Variants in COL25A1 observed in about 807,000 individuals in gnomAD.
The protein encoded by COL25A1 is collagen type XXV alpha 1 chain.
COL25A1 carries 103 observed loss-of-function variants against 128.4 expected under a neutral mutation model. The observed-to-expected ratio is 0.80, with a 90% CI of 0.68 to 0.94. The LOEUF (loss-of-function observed/expected upper bound fraction) is 0.94. Ranked by LOEUF, COL25A1 falls within the 40% of genes least tolerant of loss-of-function variation. The pLI is 0.00. For missense variants in COL25A1, 745 were observed against 840.0 expected, an observed-to-expected ratio of 0.89 and a Z score of 1.40; for synonymous variants, 279 against 277.2, an observed-to-expected ratio of 1.01 and a Z score of -0.06.
At chr4:109,161,120 G>A (rs1772537080) in intron 3 of COL25A1, among the ~76,000 whole-genome samples, 1 of 151,938 alleles carries the variant, frequency 6.6e-6, no homozygotes, top group Non-Finnish European at 1.5e-5. Context: ...TTACACACAT[G>A]GCCTCAACTA....
intron 6 of COL25A1, among the ~76,000 whole-genome samples, chr4:108,981,054 C>T (rs1752925111): frequency 6.6e-6 from 1 of 152,234 alleles, no homozygotes. Flanking sequence ...AATCCCCACA[C>T]TTACAAGGAA....
At chr4:108,881,455 G>T (rs1275348203) in intron 19 of COL25A1, among the ~76,000 whole-genome samples, 3 of 152,152 alleles carry the variant, frequency 2.0e-5, no homozygotes, top group Admixed American at 2.0e-4. Flanking sequence ...AGAAGGAGAT[G>T]AATAGCAACA....
intron 6 of COL25A1, among the ~76,000 whole-genome samples, chr4:108,994,571 G>T (rs1413862013): frequency 1.3e-5 from 2 of 152,218 alleles, no homozygotes; most frequent in Non-Finnish European, 2.9e-5. Context: ...AGCTTCTACA[G>T]ACTTAAATGT....
At chr4:109,294,981 T>C (rs576824305) in intron 3 of COL25A1, among the ~76,000 whole-genome samples, 28 of 152,194 alleles carry the variant, frequency 1.8e-4, no homozygotes, top group African/African-American at 6.5e-4. Context: ...ATTAACATCA[T>C]GTAGTTGATT....
At position 108,921,802 on chromosome 4, in the gene COL25A1, T is replaced by C. The variant is rs186830304; in HGVS notation, c.709-1198A>G. ...CAATACTGCCTTTATATATTTCTAT[T>C]TAATTTACTCAACCAACTGTTTAAT... On this transcript the variant is annotated intron_variant, in intron 11 of 37. Transcript: ENST00000399132. 1.8e-3 allele frequency among the ~76,000 whole-genome samples: 280 copies of C among 152,306 alleles called. 2 individuals carry two copies. Among genetic ancestry groups the C allele is most frequent in the African/African-American group, 6.5e-3 (269 of 41,580 alleles).
chr4:109,272,073 A>C (rs1340661974), intron 3 of COL25A1, among the ~76,000 whole-genome samples: 1 of 151,794 alleles, frequency 6.6e-6, no homozygotes, highest in Non-Finnish European at 1.5e-5. Flanking sequence ...CCATCTCTAC[A>C]AAAAATACAA....
At chr4:109,145,132 A>C (rs1042169369) in intron 3 of COL25A1, among the ~76,000 whole-genome samples, 1 of 147,648 alleles carries the variant, frequency 6.8e-6, no homozygotes, top group Non-Finnish European at 1.5e-5. Context: ...GCAGTGGCGC[A>C]ATCTGGGCTC....
rs1351670698 is a variant in COL25A1, at chr4:108,810,328, TAG to T, written c.*3597_*3598del. On this transcript the variant is annotated 3_prime_UTR_variant, in exon 38 of 38. Transcript: ENST00000399132. ...TAGCACATATGTCTATATAGATAGA[TAG>T]TTAGACAAAGGACATGTAGTATAAA... 1 of 151,976 alleles carries T rather than the reference TAG, an allele frequency of 6.6e-6. No homozygotes were observed. Among genetic ancestry groups the T allele is most frequent in the African/African-American group, 2.4e-5 (1 of 41,442 alleles). 9.4% of individuals were successfully genotyped at this position (151,976 alleles called of 1,614,324 possible).
intron 20 of COL25A1, among the ~76,000 whole-genome samples, chr4:108,864,219 T>G (rs928269764): frequency 6.6e-6 from 1 of 152,166 alleles, no homozygotes; most frequent in African/African-American, 2.4e-5. Context: ...AGAAAGACCT[T>G]TAAAGGGAAT....
intron 3 of COL25A1, among the ~76,000 whole-genome samples, chr4:109,096,729 T>G: frequency 6.6e-6 from 1 of 152,250 alleles, no homozygotes; most frequent in East Asian, 1.9e-4. Context: ...CAATTTCTAT[T>G]TTTAATTTTG....
At chr4:109,277,734 T>G (rs188563689) in intron 3 of COL25A1, among the ~76,000 whole-genome samples, 23 of 152,360 alleles carry the variant, frequency 1.5e-4, no homozygotes, top group African/African-American at 5.3e-4. Context: ...TTTCTGATTC[T>G]ACAGTCCAAT....
chr4:109,132,742 C>CA (rs1302063103), intron 3 of COL25A1, among the ~76,000 whole-genome samples: 2 of 151,940 alleles, frequency 1.3e-5, no homozygotes, highest in South Asian at 4.1e-4. Flanking sequence ...TTTTTATTTT[C>CA]AGGAGATAAA....
intron 3 of COL25A1, among the ~76,000 whole-genome samples, chr4:109,157,901 G>A (rs777414838): frequency 7.9e-5 from 12 of 152,304 alleles, no homozygotes; most frequent in Non-Finnish European, 1.5e-4. Flanking sequence ...CATTCCCGGC[G>A]CTAAAGCACA....
chr4:108,823,882 T>C, intron 35 of COL25A1: 1 of 1,371,974 alleles, frequency 7.3e-7, no homozygotes, highest in Non-Finnish European at 9.4e-7. Flanking sequence ...ATGATTTTTT[T>C]TTCAAAAATC....
At chr4:109,138,015 T>TGTGTGTGTGTGTGTGTGTGTG (rs1560752663) in intron 3 of COL25A1, among the ~76,000 whole-genome samples, 2 of 151,436 alleles carry the variant, frequency 1.3e-5, no homozygotes, top group Admixed American at 6.6e-5. Context: ...TGTGTGTGTG[T>TGTGTGTGTGTGTGTGTGTGTG]TGGGATACAT....
At chr4:109,041,982 A>G (rs1759948863) in intron 5 of COL25A1, among the ~76,000 whole-genome samples, 1 of 152,148 alleles carries the variant, frequency 6.6e-6, no homozygotes, top group South Asian at 2.1e-4. Context: ...GTATCCAGAA[A>G]TAGACCGTAG....
At position 108,852,255 on chromosome 4, in the gene COL25A1, T is replaced by C; in HGVS notation, c.1370A>G (p.Gln457Arg). ...VTGPPGPPGP[Q>R]GLQGPKGEQG... ...AATAACCTTTGGCCCTTGTAGTCCT[T>C]GAGGTCCAGGAGGTCCAGGGGGACC... Residue 457 changes from glutamine to arginine, a missense_variant, in exon 26 of 38, where the codon CAA becomes CGA. By Grantham distance (43) the Gln-to-Arg change is conservative (BLOSUM62 1). Transcript: ENST00000399132. The C allele has an allele frequency of 1.9e-6, 3 of 1,603,350 alleles. No individual in the cohort carries two copies. In the East Asian group the frequency reaches 6.7e-5, roughly 36 times the overall value.
At chr4:109,197,155 TA>T (rs1295239605) in intron 3 of COL25A1, among the ~76,000 whole-genome samples, 1 of 150,256 alleles carries the variant, frequency 6.7e-6, no homozygotes, top group Non-Finnish European at 1.5e-5. Context: ...TCATCTCTAC[TA>T]AAAATAAAAA....
Position 108,901,840 on chromosome 4 carries a change from G to C in COL25A1, c.781-668C>G, listed in dbSNP as rs528955018. ...TTTCCTATTTCAGAAAGATGATGAT[G>C]TATACCAGTCTTTCAAGACTCTGAA... is the stretch of plus-strand genomic sequence containing the variant. On this transcript the variant is annotated intron_variant, in intron 13 of 37. Coordinates refer to ENST00000399132, the MANE Select transcript of COL25A1 (RefSeq NM_198721.4). Among the ~76,000 whole-genome samples, 18 of 152,120 alleles carry C rather than the reference G, an allele frequency of 1.2e-4. No individual in the cohort carries two copies. In the East Asian group the frequency reaches 3.5e-3, roughly 29 times the overall value.
Sources: gnomAD v4.1 joint callset for allele counts (sites outside exome capture counted in the v4.1 genomes callset) on GRCh38, gnomAD v4.1.1 for gene constraint, MANE v1.5 for transcripts, NCBI Gene and HGNC (gene_info 2026-07-23, HGNC 2026-07-21) for gene names.